The following RDH11 variants were observed in gnomAD, a reference collection of about 807,000 sequenced individuals.
RDH11 encodes the protein retinol dehydrogenase 11, also known as HCV core-binding protein HCBP12.
A neutral mutation model predicts 33.4 loss-of-function variants in RDH11; 19 were observed. The ratio of observed to expected loss-of-function variants is 0.57; its 90% CI spans 0.40 to 0.83. RDH11 has a LOEUF of 0.83. RDH11 is among the 40% of genes least tolerant of loss of function. RDH11 has a pLI of 0.00. For missense variants in RDH11, 353 were observed against 389.0 expected, an observed-to-expected ratio of 0.91 and a Z score of 0.78; for synonymous variants, 154 against 155.3, an observed-to-expected ratio of 0.99 and a Z score of 0.06.
intron 4 of RDH11, chr14:67,690,736 C>T (rs2037739199): frequency 2.5e-6 from 1 of 398,850 alleles, no homozygotes; most frequent in Non-Finnish European, 4.6e-6. Flanking sequence ...GTAATCTCAG[C>T]ACTTAAAGAG....
At chr14:67,689,852 G>A (rs1044605197) in intron 5 of RDH11, among the ~76,000 whole-genome samples, 4 of 152,072 alleles carry the variant, frequency 2.6e-5, no homozygotes, top group Non-Finnish European at 5.9e-5. Context: ...GCTGAGGCAG[G>A]AGAATCACTT....
chr14:67,692,093 A>G (rs968043314), intron 3 of RDH11: 4 of 193,608 alleles, frequency 2.1e-5, no homozygotes, highest in African/African-American at 9.5e-5. Flanking sequence ...AGAACCTCAA[A>G]TACAGCTCCA....
chr14:67,695,600 C>T (rs1467350412), intron 1 of RDH11, 30 bp downstream of exon 1: 1 of 1,597,060 alleles, frequency 6.3e-7, no homozygotes, highest in Non-Finnish European at 8.6e-7. Context: ...AACAAGAATT[C>T]TCAAGAGAAG....
rs990707877 is a variant in RDH11 at position 67,694,585 on chromosome 14, T to C, written c.74+1045A>G. On this transcript the variant is annotated intron_variant, in intron 1 of 6. Transcript: ENST00000381346. ...TTTTCAGTTCTGGTTCAACTTTTCA[T>C]TGAGATTCTATGTGGATAAGAGGAT... Among the ~76,000 whole-genome samples the C allele has an allele frequency of 5.9e-5, 9 of 151,662 alleles. No homozygotes were observed. The South Asian group carries it at 1.5e-3, about 25-fold the overall frequency.
At chr14:67,689,632 T>C (rs1205933272) in intron 5 of RDH11, among the ~76,000 whole-genome samples, 6 of 152,134 alleles carry the variant, frequency 3.9e-5, no homozygotes, top group African/African-American at 1.4e-4. Flanking sequence ...CATTTACATA[T>C]GAAGAAGGAA....
At chr14:67,690,546 A>T in intron 4 of RDH11, 125 bp from the exon 5 acceptor site, 1 of 750,966 alleles carries the variant, frequency 1.3e-6, no homozygotes. Context: ...CCAACTTTTC[A>T]TTATCAACTA....
intron 4 of RDH11, 30 bp downstream of exon 4, chr14:67,691,110 C>G (rs776621524): frequency 2.0e-6 from 3 of 1,512,338 alleles, no homozygotes; most frequent in Admixed American, 3.3e-5. Context: ...TTGGGTCTCT[C>G]TAGCTTTGTG....
At position 67,678,214 on chromosome 14, in the gene RDH11, G is replaced by T; in HGVS notation, c.*107C>A. 1 of 737,428 alleles carries T rather than the reference G, an allele frequency of 1.4e-6. No homozygotes were observed. The highest frequency in any genetic ancestry group is 2.4e-6 in the Non-Finnish European group (1 of 422,600). The allele number at this position is 737,428 out of a possible 1,614,324, so 45.7% of individuals were successfully genotyped here. A position where few individuals can be genotyped will look rare whatever the true frequency, so the allele number is the denominator to read the frequency against. On this transcript the variant is annotated 3_prime_UTR_variant, in exon 7 of 7. Coordinates refer to ENST00000381346, the MANE Select transcript of RDH11 (RefSeq NM_016026.4). ...CAAGCAGGCAAGGCTGGAAGGTTTTGCTCTCTTTGTGCTAAAGGTTTTGAA... is the reference window on the plus strand; with the variant it reads ...CAAGCAGGCAAGGCTGGAAGGTTTTTCTCTCTTTGTGCTAAAGGTTTTGAA...
intron 6 of RDH11, among the ~76,000 whole-genome samples, chr14:67,683,893 A>C (rs1202248118): frequency 6.6e-6 from 1 of 152,212 alleles, no homozygotes; most frequent in Non-Finnish European, 1.5e-5. Context: ...CAAGAACCCT[A>C]AGTTCCACAC....
At chr14:67,691,286 G>A (rs1260908870) in intron 3 of RDH11, 42 bp from the exon 4 acceptor site, 1 of 1,407,304 alleles carries the variant, frequency 7.1e-7, no homozygotes, top group Non-Finnish European at 1.0e-6. Context: ...GGCTAGCCAA[G>A]GCTATTACAT....
chr14:67,688,157 G>C (rs1304039749), intron 5 of RDH11, among the ~76,000 whole-genome samples: 1 of 152,026 alleles, frequency 6.6e-6, no homozygotes, highest in South Asian at 2.1e-4. Flanking sequence ...ACTTCTTCAG[G>C]AAAGTCTTCC....
intron 5 of RDH11, among the ~76,000 whole-genome samples, chr14:67,689,773 G>A (rs1028564656): frequency 6.6e-6 from 1 of 152,058 alleles, no homozygotes; most frequent in African/African-American, 2.4e-5. Context: ...GTGAAATCCT[G>A]TCTCTACTAA....
At position 67,678,082 on chromosome 14, in the gene RDH11, C is replaced by T. The variant is rs1025926590; in HGVS notation, c.*239G>A. On this transcript the variant is annotated 3_prime_UTR_variant, in exon 7 of 7. Transcript: ENST00000381346. ...GCAGGTCATATGAGGGTCTTCTTATCCTATTATGATATCTCTAGTAACTCT... is the reference window on the plus strand; with the variant it reads ...GCAGGTCATATGAGGGTCTTCTTATTCTATTATGATATCTCTAGTAACTCT... 1.7e-5 allele frequency: 7 copies of T among 422,298 alleles called. No individual in the cohort carries two copies. The highest frequency in any genetic ancestry group is 8.1e-5 in the African/African-American group (4 of 49,228). The allele number at this position is 422,298 out of a possible 1,614,324, so 26.2% of individuals were successfully genotyped here.
rs779861028 is a variant in RDH11, at chr14:67,685,084, T to C, written c.785A>G (p.Gln262Arg). ...LFSFFIKTPQ[Q>R]GAQTSLHCAL... ...ACAGTGCAGGCTGGTCTGGGCTCCC[T>C]GCTGAGGAGTCTTGATGAAAAAGGA... The change falls in exon 6 of 7, where the codon CAG (glutamine) becomes CGG (arginine). Residue 262 changes from glutamine to arginine, a missense_variant. Transcript: ENST00000381346. The C allele has an allele frequency of 3.1e-6, 5 of 1,614,056 alleles. No homozygotes were observed. The highest frequency in any genetic ancestry group is 3.3e-5 in the Admixed American group (2 of 60,004).
At position 67,685,287 on chromosome 14, in the gene RDH11, C is replaced by A. The variant is rs1005587932; in HGVS notation, c.665-83G>T. ...CAAAACAGAAAAGGATGTAAATAAG[C>A]ATGTGACCTTCACATATGGACTCTT... On this transcript the variant is annotated intron_variant, in intron 5 of 6. Transcript: ENST00000381346. 2.1e-5 allele frequency: 24 copies of A among 1,119,844 alleles called. No individual in the cohort carries two copies. In the Admixed American group the frequency reaches 5.5e-4, roughly 26 times the overall value. The allele number at this position is 1,119,844 out of a possible 1,614,324, so 69.4% of individuals were successfully genotyped here. A position where few individuals can be genotyped will look rare whatever the true frequency, so the allele number is the denominator to read the frequency against.
chr14:67,695,164 C>G (rs2037814089), intron 1 of RDH11, among the ~76,000 whole-genome samples: 1 of 152,146 alleles, frequency 6.6e-6, no homozygotes, highest in South Asian at 2.1e-4. Flanking sequence ...GTAACAGCAA[C>G]GAGAGAGCAA....
intron 6 of RDH11, among the ~76,000 whole-genome samples, chr14:67,682,993 C>T (rs986915745): frequency 9.2e-5 from 14 of 152,142 alleles, no homozygotes; most frequent in Admixed American, 8.5e-4. Context: ...GGCCACATAC[C>T]ATATGATTCC....
chr14:67,685,227 G>A (rs1271762089), intron 5 of RDH11, 23 bp from the exon 6 acceptor site: 2 of 1,602,772 alleles, frequency 1.2e-6, no homozygotes, highest in Admixed American at 1.7e-5. Context: ...GGCATGAAGA[G>A]AGGGTAAGAC....
intron 5 of RDH11, among the ~76,000 whole-genome samples, chr14:67,688,834 G>A (rs1385049468): frequency 2.0e-5 from 3 of 152,016 alleles, no homozygotes; most frequent in South Asian, 2.1e-4. Flanking sequence ...TTTCTCCCCC[G>A]TTAGATGTAA....
Sources: gnomAD v4.1 joint callset for allele counts (sites outside exome capture counted in the v4.1 genomes callset) on GRCh38, gnomAD v4.1.1 for gene constraint, MANE v1.5 for transcripts, NCBI Gene and HGNC (gene_info 2026-07-23, HGNC 2026-07-21) for gene names.